ASAP2: variants seen among roughly 807,000 people sequenced by gnomAD.
ASAP2 encodes the protein arf-GAP with SH3 domain, ANK repeat and PH domain-containing protein 2.
A neutral mutation model predicts 131.4 loss-of-function variants in ASAP2; 45 were observed. The observed-to-expected ratio is 0.34, with a 90% CI of 0.27 to 0.44. ASAP2 has a LOEUF of 0.44. ASAP2 is among the 20% of genes least tolerant of loss of function. ASAP2 has a pLI of 1.00. For synonymous variants in ASAP2, 510 were observed against 503.0 expected, an observed-to-expected ratio of 1.01 and a Z score of -0.19; for missense variants, 1,011 against 1,297.0, an observed-to-expected ratio of 0.78 and a Z score of 3.39.
chr2:9,251,737 G>T (rs1340758347), intron 1 of ASAP2, among the ~76,000 whole-genome samples: 1 of 151,930 alleles, frequency 6.6e-6, no homozygotes, highest in African/African-American at 2.4e-5. Flanking sequence ...GAGGACATCA[G>T]CGTGGCAAAT....
intron 1 of ASAP2, among the ~76,000 whole-genome samples, chr2:9,220,036 A>G (rs972258476): frequency 6.6e-6 from 1 of 152,148 alleles, no homozygotes; most frequent in Non-Finnish European, 1.5e-5. Context: ...ATGGATTTGT[A>G]CTTTATTTCT....
At chr2:9,375,269 TGA>T (rs1409801883) in intron 17 of ASAP2, among the ~76,000 whole-genome samples, 2 of 148,386 alleles carry the variant, frequency 1.3e-5, no homozygotes, top group Non-Finnish European at 3.0e-5. Context: ...GCCGACAGAG[TGA>T]GACCTTGTCT....
chr2:9,256,862 T>C (rs141459252), intron 1 of ASAP2, among the ~76,000 whole-genome samples: 35 of 152,338 alleles, frequency 2.3e-4, no homozygotes, highest in African/African-American at 8.4e-4. Flanking sequence ...TCAGTATGAC[T>C]GTCTCTTAGC....
chr2:9,395,594 C>CTTTTTTTTTTTTTTTTTTTTTTT, intron 24 of ASAP2, among the ~76,000 whole-genome samples: 3 of 59,056 alleles, frequency 5.1e-5, no homozygotes, highest in Admixed American at 2.3e-4. Flanking sequence ...TGTTTTTTTT[C>CTTTTTTTTTTTTTTTTTTTTTTT]TTTTTTTTTT....
chr2:9,338,911 CT>C (rs905031492), intron 9 of ASAP2, among the ~76,000 whole-genome samples: 2 of 152,196 alleles, frequency 1.3e-5, no homozygotes, highest in Non-Finnish European at 2.9e-5. Context: ...GGCATGGTGG[CT>C]CACAGCTATA....
chr2:9,263,865 G>A (rs1206514000), intron 1 of ASAP2, among the ~76,000 whole-genome samples: 3 of 152,138 alleles, frequency 2.0e-5, no homozygotes, highest in Admixed American at 2.0e-4. Context: ...AATAGGTTAA[G>A]TATTTTTTTC....
intron 1 of ASAP2, among the ~76,000 whole-genome samples, chr2:9,252,758 A>G (rs1378171366): frequency 6.6e-6 from 1 of 151,892 alleles, no homozygotes; most frequent in East Asian, 1.9e-4. Flanking sequence ...TACTAAAAAT[A>G]CAAAAAAATT....
chr2:9,340,312 C>T (rs1671497808), intron 9 of ASAP2, among the ~76,000 whole-genome samples: 2 of 152,258 alleles, frequency 1.3e-5, no homozygotes, highest in Admixed American at 6.5e-5. Flanking sequence ...TGAGCCACCG[C>T]GCCCGGCCAG....
chr2:9,236,883 T>C (rs1663591473), intron 1 of ASAP2, among the ~76,000 whole-genome samples: 1 of 152,064 alleles, frequency 6.6e-6, no homozygotes, highest in Non-Finnish European at 1.5e-5. Context: ...CTTTTTTGAG[T>C]GAATGGGACA....
intron 15 of ASAP2, among the ~76,000 whole-genome samples, chr2:9,362,656 T>C (rs761679855): frequency 3.3e-5 from 5 of 152,078 alleles, no homozygotes; most frequent in Admixed American, 6.5e-5. Flanking sequence ...CTGACCAACA[T>C]AGGGAGACCT....
At chr2:9,307,209 G>T (rs1045158044) in intron 3 of ASAP2, among the ~76,000 whole-genome samples, 3 of 152,196 alleles carry the variant, frequency 2.0e-5, no homozygotes, top group Non-Finnish European at 4.4e-5. Flanking sequence ...TAGAGTTTCT[G>T]ATTCCGCAGG....
At chr2:9,305,918 G>C (rs371658117) in intron 3 of ASAP2, among the ~76,000 whole-genome samples, 5 of 146,924 alleles carry the variant, frequency 3.4e-5, no homozygotes, top group African/African-American at 5.0e-5. Flanking sequence ...GTGGGGTATA[G>C]ATATTGGTGG....
chr2:9,377,587 G>T (rs1674505126), intron 18 of ASAP2, among the ~76,000 whole-genome samples: 1 of 152,208 alleles, frequency 6.6e-6, no homozygotes, highest in Admixed American at 6.5e-5. Flanking sequence ...GGCAGCTGAA[G>T]GCTGGACTTC....
At chr2:9,394,648 C>G (rs1179359041) in intron 24 of ASAP2, among the ~76,000 whole-genome samples, 1 of 152,192 alleles carries the variant, frequency 6.6e-6, no homozygotes, top group East Asian at 1.9e-4. Flanking sequence ...CCACTTATCT[C>G]TCTATTCCGT....
chr2:9,225,677 G>T (rs1662710975), intron 1 of ASAP2, among the ~76,000 whole-genome samples: 1 of 152,152 alleles, frequency 6.6e-6, no homozygotes, highest in Admixed American at 6.5e-5. Context: ...GCCTGGCATG[G>T]TTTGGGATCC....
intron 1 of ASAP2, among the ~76,000 whole-genome samples, chr2:9,241,771 T>G (rs988023904): frequency 1.3e-5 from 2 of 152,194 alleles, no homozygotes; most frequent in Admixed American, 1.3e-4. Flanking sequence ...TGCCAGACAC[T>G]GTGCTAAGTC....
intron 12 of ASAP2, 103 bp downstream of exon 12, chr2:9,350,998 T>G (rs1464828967): frequency 6.9e-6 from 6 of 864,496 alleles, no homozygotes; most frequent in Non-Finnish European, 1.0e-5. Flanking sequence ...AATTGGTTTT[T>G]GAAGAGACAT....
chr2:9,379,986 A>G (rs1228190366), intron 19 of ASAP2, among the ~76,000 whole-genome samples: 5 of 145,262 alleles, frequency 3.4e-5, no homozygotes, highest in African/African-American at 1.4e-4. Context: ...GCAAGACTCC[A>G]TCTCAAAAAA....
At chr2:9,400,212 TGC>T (rs1676513332) in intron 25 of ASAP2, 140 bp downstream of exon 25, 1 of 669,866 alleles carries the variant, frequency 1.5e-6, no homozygotes, top group African/African-American at 3.0e-5. Context: ...CCTCCCCTCC[TGC>T]CCCCTCCCCT....
Sources: allele counts gnomAD v4.1 joint callset (sites outside exome capture counted in the v4.1 genomes callset), GRCh38; gene constraint gnomAD v4.1.1; transcripts MANE v1.5; gene names NCBI Gene and HGNC (gene_info 2026-07-23, HGNC 2026-07-21).